TNRC6B: variants seen among roughly 807,000 people sequenced by gnomAD.
The protein encoded by TNRC6B is trinucleotide repeat-containing gene 6B protein.
TNRC6B carries 52 observed loss-of-function variants against 203.6 expected under a neutral mutation model. That is an observed-to-expected ratio of 0.26 (90% CI 0.20 to 0.32). The LOEUF (loss-of-function observed/expected upper bound fraction) is 0.32. TNRC6B is among the 10% of genes least tolerant of loss of function. The probability of loss-of-function intolerance (pLI) is 1.00; values close to 1 mark genes in which losing one functional copy is unlikely to be tolerated. For synonymous variants in TNRC6B, 838 were observed against 845.7 expected (o/e 0.99, Z 0.16); for missense variants, 1,923 against 2,286.2 (o/e 0.84, Z 3.24).
chr22:40,063,240 G>T (rs764540932), intron 1 of TNRC6B, among the ~76,000 whole-genome samples: 5 of 152,016 alleles, frequency 3.3e-5, no homozygotes, highest in Non-Finnish European at 7.4e-5. Context: ...TGTAATTGAG[G>T]GTTTATTTGT....
At chr22:40,290,224 T>G (rs553624804) in intron 12 of TNRC6B, among the ~76,000 whole-genome samples, 1 of 152,344 alleles carries the variant, frequency 6.6e-6, no homozygotes, top group African/African-American at 2.4e-5. Flanking sequence ...GCACTGAATT[T>G]TAAATTTTAT....
At chr22:40,208,458 A>G (rs1231319127) in intron 1 of TNRC6B, among the ~76,000 whole-genome samples, 1 of 152,226 alleles carries the variant, frequency 6.6e-6, no homozygotes, top group Non-Finnish European at 1.5e-5. Flanking sequence ...CATTTACATG[A>G]ATTTTAGGGA....
At chr22:40,322,216 A>C (rs1451783349) in intron 22 of TNRC6B, among the ~76,000 whole-genome samples, 1 of 152,180 alleles carries the variant, frequency 6.6e-6, no homozygotes, top group Non-Finnish European at 1.5e-5. Flanking sequence ...ATTTTGTTTT[A>C]GAGCAGTTTT....
chr22:40,209,227 C>T (rs544360544), intron 1 of TNRC6B, among the ~76,000 whole-genome samples: 1 of 151,042 alleles, frequency 6.6e-6, no homozygotes, highest in South Asian at 2.1e-4. Flanking sequence ...CCAATTTATT[C>T]TCTAGAACAG....
chr22:40,062,752 ATAT>A (rs1463850256), intron 1 of TNRC6B, among the ~76,000 whole-genome samples: 18 of 152,104 alleles, frequency 1.2e-4, no homozygotes, highest in African/African-American at 3.1e-4. Flanking sequence ...GGCTATTTGT[ATAT>A]TATTGTTGGA....
chr22:40,123,918 CTG>C lies in TNRC6B; in HGVS notation c.-46-1851_-46-1850del, dbSNP rs1234885152. On this transcript the variant is annotated intron_variant, in intron 2 of 23. Coordinates refer to the TNRC6B transcript ENST00000301923. ...ACTTTTTTTTTTTTTTTTTGCACAACTGTGATAAATAGGTGAGGGACAAAATC... is the reference window on the plus strand; with the variant it reads ...ACTTTTTTTTTTTTTTTTTGCACAACTGATAAATAGGTGAGGGACAAAATC... Among the ~76,000 whole-genome samples, 42 of 131,520 alleles carry C rather than the reference CTG, an allele frequency of 3.2e-4. 1 individual carries two copies. The highest frequency in any genetic ancestry group is 9.9e-4 in the Admixed American group (13 of 13,102). The allele number at this position is 131,520 out of a possible 152,430, so 86.3% of individuals were successfully genotyped here.
chr22:40,280,044 C>T lies in TNRC6B; in HGVS notation c.3312C>T (p.Leu1104=), dbSNP rs374369066. The T allele has an allele frequency of 5.6e-6, 9 of 1,613,692 alleles. No individual in the cohort carries two copies. Among genetic ancestry groups the T allele is most frequent in the African/African-American group, 2.7e-5 (2 of 74,892 alleles). The change falls in exon 10 of 23, where the codon CTC becomes CTT. Residue 1104 remains leucine (L), a synonymous_variant. Transcript: ENST00000454349. ...KFDVDKRAMN[L]GDFNDIMRKD... Reference sequence around the variant, plus strand: ...ATGTGGACAAGCGAGCGATGAATCTCGGGGATTTTAATGATATCATGAGGA... The same window carrying T: ...ATGTGGACAAGCGAGCGATGAATCTTGGGGATTTTAATGATATCATGAGGA...
chr22:40,283,006 C>T (rs2070737036), intron 11 of TNRC6B, among the ~76,000 whole-genome samples: 2 of 151,744 alleles, frequency 1.3e-5, no homozygotes, highest in East Asian at 1.9e-4. Context: ...TTTTTTCTCC[C>T]GTTTATTTTT....
chr22:40,232,624 C>G, intron 1 of TNRC6B, among the ~76,000 whole-genome samples: 1 of 152,174 alleles, frequency 6.6e-6, no homozygotes, highest in East Asian at 1.9e-4. Context: ...TCTTCAGGCA[C>G]CATTCTAACC....
intron 1 of TNRC6B, among the ~76,000 whole-genome samples, chr22:40,047,995 G>C (rs765810267): frequency 5.9e-5 from 9 of 152,182 alleles, no homozygotes; most frequent in Admixed American, 1.3e-4. Flanking sequence ...AAAATGACTA[G>C]TTCATGTGCA....
intron 1 of TNRC6B, among the ~76,000 whole-genome samples, chr22:40,054,910 G>T (rs921208247): frequency 9.2e-5 from 14 of 151,696 alleles, no homozygotes; most frequent in Admixed American, 4.6e-4. Context: ...AGTAGTGCGC[G>T]CCAGTAGTCC....
intron 1 of TNRC6B, among the ~76,000 whole-genome samples, chr22:40,218,546 T>G (rs1464949595): frequency 6.6e-6 from 1 of 152,024 alleles, no homozygotes; most frequent in Non-Finnish European, 1.5e-5. Flanking sequence ...CAGGCTAGTC[T>G]CGAACTGCTG....
chr22:40,070,971 A>G (rs774115307), intron 1 of TNRC6B, among the ~76,000 whole-genome samples: 3 of 152,178 alleles, frequency 2.0e-5, no homozygotes, highest in Non-Finnish European at 2.9e-5. Flanking sequence ...TTAAATTCCC[A>G]TCAGGTTTCA....
intron 1 of TNRC6B, among the ~76,000 whole-genome samples, chr22:40,049,818 G>T (rs1012091539): frequency 1.3e-5 from 2 of 152,004 alleles, no homozygotes; most frequent in Admixed American, 6.6e-5. Flanking sequence ...TGGCCAGGCT[G>T]ATCTGGAACT....
chr22:40,159,702 A>C (rs1413771081), intron 4 of TNRC6B, among the ~76,000 whole-genome samples: 1 of 151,996 alleles, frequency 6.6e-6, no homozygotes, highest in Non-Finnish European at 1.5e-5. Context: ...TCCCTTCCTA[A>C]TCTTCCTAAA....
upstream of TNRC6B, among the ~76,000 whole-genome samples, chr22:40,174,128 G>A (rs1014269872): frequency 7.9e-5 from 12 of 151,098 alleles, no homozygotes; most frequent in Admixed American, 2.0e-4. Flanking sequence ...TAAATACTCA[G>A]TTCAGTTATT....
chr22:40,192,295 G>A (rs2069284754), intron 1 of TNRC6B, among the ~76,000 whole-genome samples: 1 of 152,210 alleles, frequency 6.6e-6, no homozygotes, highest in Non-Finnish European at 1.5e-5. Flanking sequence ...GACAAGTGGA[G>A]AACATAAATT....
chr22:40,075,156 A>ATATATTTTTTT, intron 1 of TNRC6B, among the ~76,000 whole-genome samples: 4 of 35,560 alleles, frequency 1.1e-4, no homozygotes, highest in African/African-American at 4.1e-4. Flanking sequence ...ATATATATAT[A>ATATATTTTTTT]TTTTTTTTTT....
intron 4 of TNRC6B, among the ~76,000 whole-genome samples, chr22:40,166,982 T>G (rs992948142): frequency 1.1e-4 from 17 of 152,310 alleles, no homozygotes; most frequent in African/African-American, 4.1e-4. Context: ...ATTGCCAGGC[T>G]TCACTGTTTC....
Sources: gnomAD v4.1 joint callset for allele counts (sites outside exome capture counted in the v4.1 genomes callset) on GRCh38, gnomAD v4.1.1 for gene constraint, MANE v1.5 for transcripts, NCBI Gene and HGNC (gene_info 2026-07-23, HGNC 2026-07-21) for gene names.